The following GIN1 variants were observed in gnomAD, a reference collection of about 807,000 sequenced individuals.
GIN1 encodes gypsy retrotransposon integrase 1.
A neutral mutation model predicts 51.4 loss-of-function variants in GIN1; 41 were observed. The observed-to-expected ratio is 0.80, with a 90% confidence interval of 0.62 to 1.04. The LOEUF (loss-of-function observed/expected upper bound fraction) is 1.04. Among genes scored for constraint, GIN1 ranks in the 50% least tolerant of loss-of-function variants. GIN1 has a pLI of 0.00. For synonymous variants in GIN1, 222 were observed against 206.5 expected, an observed-to-expected ratio of 1.07 and a Z score of -0.64; for missense variants, 610 against 612.4, an observed-to-expected ratio of 1.00 and a Z score of 0.04.
At chr5:103,103,584 T>C (rs1226692049) in intron 4 of GIN1, among the ~76,000 whole-genome samples, 2 of 152,236 alleles carry the variant, frequency 1.3e-5, no homozygotes, top group East Asian at 1.9e-4. Flanking sequence ...TTTTAACATA[T>C]GCCTTAAGTC....
At chr5:103,092,077 G>A (rs1271110537) in intron 7 of GIN1, among the ~76,000 whole-genome samples, 6 of 151,594 alleles carry the variant, frequency 4.0e-5, no homozygotes, top group South Asian at 2.1e-4. Context: ...GGAGTGCAGC[G>A]GTGCAATGTT....
At chr5:103,107,840 G>A (rs1162153133) in intron 2 of GIN1, among the ~76,000 whole-genome samples, 3 of 152,070 alleles carry the variant, frequency 2.0e-5, no homozygotes, top group Non-Finnish European at 4.4e-5. Flanking sequence ...TACACAGGGA[G>A]ATGCAAGCAG....
At chr5:103,092,530 A>C (rs1376347068) in intron 7 of GIN1, among the ~76,000 whole-genome samples, 1 of 152,228 alleles carries the variant, frequency 6.6e-6, no homozygotes, top group Non-Finnish European at 1.5e-5. Context: ...AAACTATTAG[A>C]ATGTGCTGCC....
In GIN1 at chr5:103,088,096, T is replaced by C. The variant is rs782046265; in HGVS notation, c.1371A>G (p.Ala457=). The C allele has an allele frequency of 1.9e-6, 3 of 1,609,480 alleles. No homozygotes were observed. The highest frequency in any genetic ancestry group is 2.2e-5 in the South Asian group (2 of 90,918). Residue 457 remains alanine (A), a synonymous_variant, in exon 8 of 8, where the codon GCA becomes GCG. Coordinates refer to ENST00000399004, the MANE Select transcript of GIN1 (RefSeq NM_017676.2). ...CTTCCACCAGAATATTTGCTTGATA[T>C]GCTCCAATCGGAATTTCAGGCAATC... is the stretch of plus-strand genomic sequence containing the variant. ...YIGLPEIPIG[A]YQANILVEDA... is the part of the protein sequence containing the mutation.
At position 103,104,588 on chromosome 5, in the gene GIN1, G is replaced by A; in HGVS notation, c.592C>T (p.Pro198Ser). ...TGGTCCATTATTATTTTCTGAGGAGGTCCATATAAGAAAAATATATTGATA... is the reference window on the plus strand; with the variant it reads ...TGGTCCATTATTATTTTCTGAGGAGATCCATATAAGAAAAATATATTGATA... ...AIINIFFLYGPPQKIIMDQRD... is the reference protein window; with the variant it reads ...AIINIFFLYGSPQKIIMDQRD... Residue 198 changes from proline (P) to serine (S), a missense_variant, in exon 4 of 8, where the codon CCT becomes TCT. Physicochemically the swap from Pro to Ser is moderately conservative, Grantham distance 74. Coordinates refer to ENST00000399004, the MANE Select transcript of GIN1 (RefSeq NM_017676.2). 8 of 1,560,708 alleles carry A rather than the reference G, an allele frequency of 5.1e-6. No homozygotes were observed. Among genetic ancestry groups the A allele is most frequent in the Non-Finnish European group, 7.1e-6 (8 of 1,132,414 alleles).
intron 4 of GIN1, among the ~76,000 whole-genome samples, chr5:103,102,096 G>C (rs975924928): frequency 6.6e-6 from 1 of 152,064 alleles, no homozygotes; most frequent in Non-Finnish European, 1.5e-5. Flanking sequence ...CCTAGGTTTA[G>C]AATGTGACCT....
chr5:103,115,334 C>T (rs1269399888), intron 1 of GIN1, among the ~76,000 whole-genome samples: 2 of 152,262 alleles, frequency 1.3e-5, no homozygotes, highest in Non-Finnish European at 2.9e-5. Context: ...TATATTCACA[C>T]ACCTTTAAAG....
chr5:103,093,002 C>T (rs1415287953), intron 7 of GIN1, among the ~76,000 whole-genome samples: 1 of 103,812 alleles, frequency 9.6e-6, no homozygotes, highest in Non-Finnish European at 2.1e-5. Flanking sequence ...AAAGATATAA[C>T]TAAGAGGCCA....
intron 4 of GIN1, among the ~76,000 whole-genome samples, chr5:103,100,683 T>G (rs1297433697): frequency 6.6e-6 from 1 of 152,000 alleles, no homozygotes; most frequent in African/African-American, 2.4e-5. Context: ...TGAGCCACCA[T>G]GCTTGGCCCT....
At chr5:103,097,554 T>C in intron 5 of GIN1, 36 bp downstream of exon 5, 1 of 1,517,096 alleles carries the variant, frequency 6.6e-7, no homozygotes, top group Non-Finnish European at 9.1e-7. Context: ...GAAATAGTCA[T>C]AACTCAGAAG....
At chr5:103,102,910 T>C (rs1401730333) in intron 4 of GIN1, among the ~76,000 whole-genome samples, 3 of 152,096 alleles carry the variant, frequency 2.0e-5, no homozygotes, top group African/African-American at 7.2e-5. Flanking sequence ...AACAAAAATA[T>C]ATTTTCTTTC....
rs1195656705 is a variant in GIN1 at position 103,086,694 on chromosome 5, A to T, written c.*1204T>A. 6.6e-6 allele frequency: 1 copy of T among 152,046 alleles called. No homozygotes were observed. Among genetic ancestry groups the T allele is most frequent in the Non-Finnish European group, 1.5e-5 (1 of 68,002 alleles). The allele number at this position is 152,046 out of a possible 1,614,324, so 9.4% of individuals were successfully genotyped here. On this transcript the variant is annotated 3_prime_UTR_variant, in exon 8 of 8. Transcript: ENST00000399004. ...TCTCTCTTTTTGCCTCCCTAAGTAC[A>T]TTATCTACACCTGTCTTCTGCAATT...
intron 1 of GIN1, 130 bp from the exon 2 acceptor site, chr5:103,108,844 T>C (rs1442396432): frequency 1.1e-5 from 7 of 638,244 alleles, no homozygotes; most frequent in African/African-American, 3.8e-5. Context: ...GTGAGGGAGA[T>C]AATTGCAGTA....
Position 103,115,079 on chromosome 5 carries a change from G to C in GIN1, c.-8+4985C>G, listed in dbSNP as rs550018754. On this transcript the variant is annotated intron_variant, in intron 1 of 7. Coordinates refer to ENST00000399004, the MANE Select transcript of GIN1 (RefSeq NM_017676.2). ...AAGGAGCTACAAGATAGTTGCTAGA[G>C]ACAGATATAAGGTTCATTCATTGAT... 9.2e-5 allele frequency among the ~76,000 whole-genome samples: 14 copies of C among 152,272 alleles called. No individual in the cohort carries two copies. The South Asian group carries it at 1.5e-3, about 16-fold the overall frequency.
intron 7 of GIN1, among the ~76,000 whole-genome samples, chr5:103,090,799 C>T (rs34800): frequency 0.26 from 38,974 of 151,822 alleles, 5,468 homozygotes; most frequent in East Asian, 0.45. Context: ...AGACCTTGAA[C>T]TTGAGTACCT....
chr5:103,086,314 CT>C lies in GIN1; in HGVS notation c.*1583del, dbSNP rs1453156901. 1 of 152,184 alleles carries C rather than the reference CT, an allele frequency of 6.6e-6. No individual in the cohort carries two copies. Among genetic ancestry groups the C allele is most frequent in the Non-Finnish European group, 1.5e-5 (1 of 68,056 alleles). 9.4% of individuals were successfully genotyped at this position (152,184 alleles called of 1,614,324 possible). On this transcript the variant is annotated 3_prime_UTR_variant, in exon 8 of 8. Transcript: ENST00000399004. ...CTCAACTAATTACACTTGCAACAAC[CT>C]CATTTCCAAATAAGGTCACATTTTG...
intron 1 of GIN1, among the ~76,000 whole-genome samples, chr5:103,113,647 G>A (rs1057021128): frequency 1.3e-5 from 2 of 151,474 alleles, no homozygotes; most frequent in African/African-American, 4.9e-5. Flanking sequence ...TCAGCCTCTC[G>A]AGTAACTGGG....
intron 7 of GIN1, among the ~76,000 whole-genome samples, chr5:103,089,812 T>C (rs1787186660): frequency 6.6e-6 from 1 of 152,144 alleles, no homozygotes; most frequent in Non-Finnish European, 1.5e-5. Flanking sequence ...CATAACATTA[T>C]TACAAATAGC....
intron 1 of GIN1, among the ~76,000 whole-genome samples, chr5:103,117,681 C>G (rs566022218): frequency 6.6e-6 from 1 of 151,962 alleles, no homozygotes; most frequent in Admixed American, 6.6e-5. Flanking sequence ...AGAATTTATT[C>G]CATTGCTAAG....
Sources: allele counts gnomAD v4.1 joint callset (sites outside exome capture counted in the v4.1 genomes callset), GRCh38; gene constraint gnomAD v4.1.1; transcripts MANE v1.5; gene names NCBI Gene and HGNC (gene_info 2026-07-23, HGNC 2026-07-21).